The following VWF variants were observed in gnomAD, a reference collection of about 807,000 sequenced individuals.
The protein encoded by VWF is Factor VIII related antigen.
VWF carries 176 observed loss-of-function variants against 308.6 expected under a neutral mutation model. The observed-to-expected ratio is 0.57, with a 90% CI of 0.50 to 0.65. VWF has a LOEUF of 0.65. Ranked by LOEUF, VWF falls within the 30% of genes least tolerant of loss-of-function variation. The pLI is 0.00. For missense variants in VWF, 3,146 were observed against 3,648.2 expected, an observed-to-expected ratio of 0.86 and a Z score of 3.55; for synonymous variants, 1,385 against 1,443.4, an observed-to-expected ratio of 0.96 and a Z score of 0.92.
rs765588018 is a variant in VWF at position 6,076,513 on chromosome 12, T to C, written c.658-962A>G. Among the ~76,000 whole-genome samples the C allele has an allele frequency of 6.6e-5, 10 of 151,884 alleles. No individual in the cohort carries two copies. In the South Asian group the frequency reaches 8.3e-4, roughly 13 times the overall value. Reference sequence around the variant, plus strand: ...GGCACAACACAGAGTCATGGATATATATGATCCCCATGATTTCTTTCTTGC... The same window carrying C: ...GGCACAACACAGAGTCATGGATATACATGATCCCCATGATTTCTTTCTTGC... On this transcript the variant is annotated intron_variant, in intron 6 of 51. Coordinates refer to ENST00000261405, the MANE Select transcript of VWF (RefSeq NM_000552.5).
chr12:6,064,132 A>T (rs949602803), intron 12 of VWF, 114 bp downstream of exon 12: 1 of 1,551,186 alleles, frequency 6.4e-7, no homozygotes, highest in Non-Finnish European at 8.9e-7. Context: ...TCTCCATCAC[A>T]TTCCCATGGA....
intron 18 of VWF, among the ~76,000 whole-genome samples, chr12:6,042,412 T>C (rs12366917): frequency 0.04 from 6,020 of 152,272 alleles, 150 homozygotes; most frequent in Middle Eastern, 0.068. Flanking sequence ...CAGGCCCAGC[T>C]CCATTTTCTT....
At chr12:5,952,120 G>A (rs1382614290) in intron 49 of VWF, 1 of 640,580 alleles carries the variant, frequency 1.6e-6, no homozygotes, top group East Asian at 2.7e-5. Context: ...TTCATTCCCA[G>A]GGAGACTAAA....
chr12:6,091,894 G>A (rs1434863251), intron 6 of VWF, among the ~76,000 whole-genome samples: 1 of 152,128 alleles, frequency 6.6e-6, no homozygotes, highest in Non-Finnish European at 1.5e-5. Context: ...GGCGACTTGG[G>A]GCAGCTACTT....
At chr12:6,015,903 T>C (rs554575074) in intron 31 of VWF, among the ~76,000 whole-genome samples, 186 bp downstream of exon 31, 1 of 152,358 alleles carries the variant, frequency 6.6e-6, no homozygotes, top group Admixed American at 6.5e-5. Flanking sequence ...ACACTTTTTA[T>C]TGTTTGGTTT....
chr12:6,031,637 G>C (rs545715742), intron 20 of VWF, 59 bp from the exon 21 acceptor site: 78 of 1,612,652 alleles, frequency 4.8e-5, no homozygotes, highest in Non-Finnish European at 6.1e-5. Context: ...CACCAGACCA[G>C]AAGATTGGCA....
At chr12:5,952,242 T>C (rs2136339058) in intron 49 of VWF, 149 bp downstream of exon 49, 1 of 1,184,240 alleles carries the variant, frequency 8.4e-7, no homozygotes, top group East Asian at 2.5e-5. Flanking sequence ...CCGTAGGCTT[T>C]GATTTCGTAA....
intron 34 of VWF, among the ~76,000 whole-genome samples, chr12:6,010,627 A>G (rs1243922513): frequency 6.6e-6 from 1 of 152,246 alleles, no homozygotes; most frequent in Non-Finnish European, 1.5e-5. Context: ...GCACATCCAT[A>G]GAAGAACAGT....
rs1483278273 is a variant in VWF, at chr12:6,006,997, C to T, written c.5842+4620G>A. Among the ~76,000 whole-genome samples the T allele has an allele frequency of 2.6e-5, 4 of 152,220 alleles. No individual in the cohort carries two copies. The East Asian group carries it at 5.8e-4, about 22-fold the overall frequency. ...AAGATGGTCACAAGAGACAAAAAAA[C>T]GGACATTATATAGTGATAAATGCAT... On this transcript the variant is annotated intron_variant, in intron 34 of 51. Coordinates refer to ENST00000261405, the MANE Select transcript of VWF (RefSeq NM_000552.5).
rs146398258 is a variant in VWF at position 6,109,244 on chromosome 12, C to T, written c.532+1130G>A. Among the ~76,000 whole-genome samples the T allele has an allele frequency of 3.7e-3, 550 of 150,066 alleles. 2 individuals are homozygous for T. Among genetic ancestry groups the T allele is most frequent in the African/African-American group, 0.013 (507 of 39,732 alleles). ...ACACACACACAGAGACACACAGACACACACACACACGTGTATATATATACA... is the reference window on the plus strand; with the variant it reads ...ACACACACACAGAGACACACAGACATACACACACACGTGTATATATATACA... On this transcript the variant is annotated intron_variant, in intron 5 of 51. Coordinates refer to ENST00000261405, the MANE Select transcript of VWF (RefSeq NM_000552.5).
chr12:6,087,586 C>T (rs949075886), intron 6 of VWF, among the ~76,000 whole-genome samples: 14 of 150,024 alleles, frequency 9.3e-5, no homozygotes, highest in African/African-American at 3.0e-4. Flanking sequence ...AGGATGGTCT[C>T]GACCTCCTGA....
intron 16 of VWF, among the ~76,000 whole-genome samples, chr12:6,050,832 G>A (rs1405616934): frequency 1.3e-5 from 2 of 152,050 alleles, no homozygotes; most frequent in Admixed American, 6.5e-5. Context: ...GCAGGTGCCT[G>A]TAATCCCAGC....
At chr12:6,042,384 G>A (rs1755506053) in intron 18 of VWF, among the ~76,000 whole-genome samples, 1 of 152,164 alleles carries the variant, frequency 6.6e-6, no homozygotes, top group African/African-American at 2.4e-5. Context: ...CATCAGATGG[G>A]CCCAAACAGG....
chr12:6,010,274 AC>A (rs1943979711), intron 34 of VWF, among the ~76,000 whole-genome samples: 1 of 152,240 alleles, frequency 6.6e-6, no homozygotes, highest in Non-Finnish European at 1.5e-5. Context: ...ACACTGAGAT[AC>A]TATTTCTTTC....
chr12:5,966,523 A>C (rs1943406320), intron 47 of VWF, among the ~76,000 whole-genome samples: 1 of 152,186 alleles, frequency 6.6e-6, no homozygotes, highest in Non-Finnish European at 1.5e-5. Context: ...TGAAGAACAC[A>C]GATGTAGAAC....
chr12:5,974,151 C>T (rs566535695), intron 43 of VWF, among the ~76,000 whole-genome samples: 1 of 152,234 alleles, frequency 6.6e-6, no homozygotes, highest in Admixed American at 6.5e-5. Context: ...GAGGTCGGAC[C>T]AGAGCTAATA....
In VWF at chr12:6,058,941, G is replaced by A. The variant is rs1944625311; in HGVS notation, c.1534-897C>T. Among the ~76,000 whole-genome samples, 1 of 152,294 alleles carries A rather than the reference G, an allele frequency of 6.6e-6. No homozygotes were observed. Among genetic ancestry groups the A allele is most frequent in the African/African-American group, 2.4e-5 (1 of 41,584 alleles). ...AGGTGGAGCGGGGGCTGGGACCCAG[G>A]AGTCCTGACTCCCTCTCCGCATGTC... is the stretch of plus-strand genomic sequence containing the variant. On this transcript the variant is annotated intron_variant, in intron 13 of 51. Coordinates refer to ENST00000261405, the MANE Select transcript of VWF (RefSeq NM_000552.5). The surrounding 1 kb of genome is among the most constrained non-coding windows in gnomAD (Gnocchi z 4.9).
rs202068340 is a variant in VWF at position 5,969,268 on chromosome 12, G to A, written c.7672C>T (p.Pro2558Ser). The change falls in exon 45 of 52, where the codon CCC becomes TCC. Residue 2558 changes from proline to serine, a missense_variant. Physicochemically the swap from Pro to Ser is moderately conservative, Grantham distance 74 (BLOSUM62 -1). Transcript: ENST00000261405. The stretch of plus-strand genomic sequence containing the variant: ...TTACAGCTCAGCTGAAAGCCCGAGG[G>A]GCAGACAGGGACCTCCAGCTGGGGG... The part of the protein sequence containing the change: ...SCPQLEVPVC[P>S]SGFQLSCKTS... 3.1e-6 allele frequency: 5 copies of A among 1,614,198 alleles called. No individual in the cohort carries two copies. The African/African-American group carries it at 6.7e-5, about 22-fold the overall frequency.
intron 13 of VWF, among the ~76,000 whole-genome samples, chr12:6,061,731 G>A (rs957945224): frequency 2.0e-5 from 3 of 152,212 alleles, no homozygotes; most frequent in African/African-American, 7.2e-5. Context: ...AGGGGTCCCT[G>A]AGACTTTCAA....
Sources: allele counts gnomAD v4.1 joint callset (sites outside exome capture counted in the v4.1 genomes callset), GRCh38; gene constraint gnomAD v4.1.1; non-coding constraint Gnocchi (gnomAD v3.1); transcripts MANE v1.5; gene names NCBI Gene and HGNC (gene_info 2026-07-23, HGNC 2026-07-21).